CNTNAP5: variants seen among roughly 807,000 people sequenced by gnomAD.
CNTNAP5 encodes the protein contactin-associated protein-like 5.
Under a neutral mutation model 150.2 loss-of-function variants are expected in CNTNAP5, and 72 were observed. The ratio of observed to expected loss-of-function variants is 0.48; its 90% CI spans 0.40 to 0.58. The LOEUF (loss-of-function observed/expected upper bound fraction) is 0.58, where lower values mean the gene tolerates loss of function less well. Ranked by LOEUF, CNTNAP5 falls within the 20% of genes least tolerant of loss-of-function variation. The probability of loss-of-function intolerance (pLI) is 0.00; values close to 1 mark genes in which losing one functional copy is unlikely to be tolerated. For synonymous variants in CNTNAP5, 672 were observed against 619.8 expected, an observed-to-expected ratio of 1.08 and a Z score of -1.25; for missense variants, 1,636 against 1,626.2, an observed-to-expected ratio of 1.01 and a Z score of -0.10.
chr2:124,064,450 C>T (rs754530068), intron 1 of CNTNAP5, among the ~76,000 whole-genome samples: 1 of 152,056 alleles, frequency 6.6e-6, no homozygotes, highest in Non-Finnish European at 1.5e-5. Flanking sequence ...ATCTTACCTG[C>T]TTCTCTCCAT....
chr2:124,632,160 T>G (rs1344030861), intron 12 of CNTNAP5, among the ~76,000 whole-genome samples: 1 of 152,160 alleles, frequency 6.6e-6, no homozygotes, highest in Non-Finnish European at 1.5e-5. Flanking sequence ...CTCAAAGACT[T>G]AGAACTGGAA....
intron 2 of CNTNAP5, among the ~76,000 whole-genome samples, chr2:124,225,869 C>A (rs185826976): frequency 6.6e-6 from 1 of 152,130 alleles, no homozygotes; most frequent in Non-Finnish European, 1.5e-5. Context: ...TGAGATAATG[C>A]AGTATTTGTC....
intron 8 of CNTNAP5, among the ~76,000 whole-genome samples, chr2:124,510,170 T>G (rs552012901): frequency 1.3e-5 from 2 of 151,136 alleles, no homozygotes; most frequent in Non-Finnish European, 2.9e-5. Flanking sequence ...ATCCTGCCAC[T>G]GCACTCCAGC....
rs1202603938 is a variant in CNTNAP5 at position 124,865,415 on chromosome 2, G to C, written c.3327G>C (p.Glu1109Asp). 6.4e-7 allele frequency: 1 copy of C among 1,551,878 alleles called. No homozygotes were observed. Among genetic ancestry groups the C allele is most frequent in the African/African-American group, 1.4e-5 (1 of 73,170 alleles). ...TGCACCACTTGAAGATTAACCGAGAGGGAAGAGAGCTTACCATTCAGGTAC... is the reference window on the plus strand; with the variant it reads ...TGCACCACTTGAAGATTAACCGAGACGGAAGAGAGCTTACCATTCAGGTAC... ...RRMHHLKINR[E>D]GRELTIQMDQ... The change falls in exon 20 of 24, where the codon GAG becomes GAC. Residue 1109 changes from glutamate (E) to aspartate (D), a missense_variant. Physicochemically the swap from Glu to Asp is conservative, Grantham distance 45. Transcript: ENST00000682447.
intron 19 of CNTNAP5, among the ~76,000 whole-genome samples, chr2:124,814,167 G>T (rs1225983441): frequency 6.7e-6 from 1 of 149,860 alleles, no homozygotes; most frequent in East Asian, 2.0e-4. Flanking sequence ...ATTAAGTTGT[G>T]CTCAGATGAT....
intron 13 of CNTNAP5, among the ~76,000 whole-genome samples, chr2:124,709,578 C>G (rs2105101792): frequency 6.6e-6 from 1 of 152,076 alleles, no homozygotes; most frequent in South Asian, 2.1e-4. Flanking sequence ...TGTAGTCAGT[C>G]AGGACAGCAA....
intron 14 of CNTNAP5, among the ~76,000 whole-genome samples, chr2:124,760,531 A>G (rs1209793058): frequency 6.6e-6 from 1 of 152,070 alleles, no homozygotes; most frequent in East Asian, 1.9e-4. Flanking sequence ...AGAGAAGACC[A>G]CATTGACTAA....
At chr2:124,202,137 C>T (rs952513851) in intron 1 of CNTNAP5, among the ~76,000 whole-genome samples, 3 of 152,014 alleles carry the variant, frequency 2.0e-5, no homozygotes, top group Non-Finnish European at 4.4e-5. Context: ...GGAAAGCAAA[C>T]ATGAAAAATA....
intron 7 of CNTNAP5, among the ~76,000 whole-genome samples, chr2:124,503,459 T>A (rs1323603808): frequency 6.6e-6 from 1 of 152,222 alleles, no homozygotes; most frequent in Admixed American, 6.5e-5. Flanking sequence ...TCCTTACCTT[T>A]TTTTTGCTAT....
At chr2:124,691,740 T>C (rs1327110717) in intron 13 of CNTNAP5, among the ~76,000 whole-genome samples, 1 of 152,026 alleles carries the variant, frequency 6.6e-6, no homozygotes, top group African/African-American at 2.4e-5. Flanking sequence ...GACCATGAAC[T>C]TCTGTGATCT....
chr2:124,844,135 T>C (rs182824044), intron 19 of CNTNAP5, among the ~76,000 whole-genome samples: 14 of 152,280 alleles, frequency 9.2e-5, no homozygotes, highest in African/African-American at 3.4e-4. Flanking sequence ...AGAATCTTTA[T>C]GGCTTTAGGT....
chr2:124,863,304 T>G (rs1677563102), intron 19 of CNTNAP5, among the ~76,000 whole-genome samples: 1 of 152,192 alleles, frequency 6.6e-6, no homozygotes, highest in Non-Finnish European at 1.5e-5. Flanking sequence ...AACCCACCAG[T>G]GCACGAGATG....
intron 1 of CNTNAP5, among the ~76,000 whole-genome samples, chr2:124,070,251 TAAG>T (rs1463497073): frequency 6.6e-6 from 1 of 150,860 alleles, no homozygotes; most frequent in African/African-American, 2.4e-5. Context: ...TAAAGGAAGA[TAAG>T]AAGGAAAGAA....
In CNTNAP5 at chr2:124,483,102, C is replaced by G. The variant is rs73952986; in HGVS notation, c.1062+8220C>G. 2.4e-3 allele frequency among the ~76,000 whole-genome samples: 371 copies of G among 152,298 alleles called. 4 individuals carry two copies. Among genetic ancestry groups the G allele is most frequent in the African/African-American group, 8.3e-3 (347 of 41,576 alleles). On this transcript the variant is annotated intron_variant, in intron 7 of 23. Coordinates refer to ENST00000682447, the MANE Select transcript of CNTNAP5 (RefSeq NM_001367498.1). The stretch of plus-strand genomic sequence containing the variant: ...GAGCTGTCTTTTTTCTCCTTTACCT[C>G]TTCCCTGACCCAGCCCCAAACTAAC...
At chr2:124,528,832 G>A (rs1023870344) in intron 10 of CNTNAP5, among the ~76,000 whole-genome samples, 1 of 152,134 alleles carries the variant, frequency 6.6e-6, no homozygotes, top group Non-Finnish European at 1.5e-5. Flanking sequence ...TTGGAAGAGA[G>A]CTGGCCCACA....
chr2:124,571,330 G>T (rs1263928506), intron 11 of CNTNAP5, among the ~76,000 whole-genome samples: 1 of 152,072 alleles, frequency 6.6e-6, no homozygotes, highest in African/African-American at 2.4e-5. Flanking sequence ...GGTAGGCCAA[G>T]TGTGGGACCT....
rs1212240325 is a variant in CNTNAP5, at chr2:124,337,506, G to A, written c.382-79937G>A. Among the ~76,000 whole-genome samples the A allele has an allele frequency of 3.9e-5, 6 of 152,170 alleles. No homozygotes were observed. The East Asian group carries it at 9.7e-4, about 24-fold the overall frequency. On this transcript the variant is annotated intron_variant, in intron 3 of 23. Coordinates refer to ENST00000682447, the MANE Select transcript of CNTNAP5 (RefSeq NM_001367498.1). ...TTCTTCTAGGGTTTTTATGGTTTTA[G>A]GTCTAACATTTAAGTCTTTAATCCA...
chr2:124,818,691 C>T (rs557101228), intron 19 of CNTNAP5, among the ~76,000 whole-genome samples: 1 of 152,266 alleles, frequency 6.6e-6, no homozygotes, highest in South Asian at 2.1e-4. Context: ...CCACAAGCCT[C>T]TTCCCAGGCC....
intron 3 of CNTNAP5, among the ~76,000 whole-genome samples, chr2:124,368,795 G>C (rs763555128): frequency 1.1e-4 from 16 of 152,050 alleles, no homozygotes; most frequent in Admixed American, 2.6e-4. Flanking sequence ...GTTATTATTT[G>C]TAGAAAATAA....
Sources: allele counts gnomAD v4.1 joint callset (sites outside exome capture counted in the v4.1 genomes callset), GRCh38; gene constraint gnomAD v4.1.1; transcripts MANE v1.5; gene names NCBI Gene and HGNC (gene_info 2026-07-23, HGNC 2026-07-21).